The following MUS81 variants were observed in gnomAD, a reference collection of about 807,000 sequenced individuals.
MUS81 encodes the protein structure-specific endonuclease subunit MUS81.
In MUS81, 69 loss-of-function variants were observed where a neutral mutation model predicts 74.2. The ratio of observed to expected loss-of-function variants is 0.93; its 90% CI spans 0.77 to 1.14. The LOEUF (loss-of-function observed/expected upper bound fraction) is 1.14. MUS81 is among the 50% of genes most tolerant of loss of function. MUS81 has a pLI of 0.00. For synonymous variants in MUS81, 303 were observed against 300.6 expected, an observed-to-expected ratio of 1.01 and a Z score of -0.08; for missense variants, 711 against 726.5, an observed-to-expected ratio of 0.98 and a Z score of 0.25.
At chr11:65,861,632 G>A in intron 3 of MUS81, 197 bp downstream of exon 3, 2 of 610,000 alleles carry the variant, frequency 3.3e-6, no homozygotes, top group South Asian at 2.0e-5. Flanking sequence ...AGAATTCCAT[G>A]ATCAAGCTAC....
upstream of MUS81, chr11:65,860,387 C>T (rs936658227): frequency 4.9e-5 from 24 of 488,384 alleles, no homozygotes; most frequent in Admixed American, 5.1e-4. Flanking sequence ...GGGCGCTGTC[C>T]GCCTTCCTCT....
chr11:65,864,451 G>A (rs1456322849), intron 10 of MUS81, 46 bp from the exon 11 acceptor site: 1 of 1,529,178 alleles, frequency 6.5e-7, no homozygotes, highest in Non-Finnish European at 9.1e-7. Context: ...CCAGGCATGT[G>A]GTCATCCAGC....
In MUS81 at chr11:65,861,098, G is replaced by A. The variant is rs1859583303; in HGVS notation, c.261G>A (p.Ser87=). 3.1e-6 allele frequency: 5 copies of A among 1,612,378 alleles called. No individual in the cohort carries two copies. Among genetic ancestry groups the A allele is most frequent in the Non-Finnish European group, 4.2e-6 (5 of 1,179,914 alleles). The change falls in exon 2 of 16, where the codon TCG becomes TCA. Residue 87 remains serine (S), a synonymous_variant. Transcript: ENST00000308110. ...LDERLQRHRT[S]GGDHAPDSPS... ...AGCGGCTGCAGCGGCACCGAACATC[G>A]GGCGGTGAGCGCCTCGGAAAGGGGT... is the stretch of plus-strand genomic sequence containing the variant.
In MUS81 at chr11:65,860,582, T is replaced by C. The variant is rs1733258688; in HGVS notation, c.-172T>C. The C allele has an allele frequency of 1.2e-6, 1 of 833,480 alleles. No homozygotes were observed. Among genetic ancestry groups the C allele is most frequent in the Non-Finnish European group, 1.9e-6 (1 of 532,012 alleles). The allele number at this position is 833,480 out of a possible 1,614,324, so 51.6% of individuals were successfully genotyped here. A position where few individuals can be genotyped will look rare whatever the true frequency, so the allele number is the denominator to read the frequency against. On this transcript the variant is annotated 5_prime_UTR_variant, in exon 1 of 16. Transcript: ENST00000308110. ...CAGGGGTGGGAGGGCGGCCGCAGGC[T>C]CTCCTCTCGTTAGTGCCCCCTGTGT...
rs749927132 is a variant in MUS81, at chr11:65,860,975, G to T, written c.138G>T (p.Ala46=). 1 of 1,611,702 alleles carries T rather than the reference G, an allele frequency of 6.2e-7. No individual in the cohort carries two copies. The change falls in exon 2 of 16, where the codon GCG becomes GCT. Residue 46 remains alanine (A), a splice_region_variant and synonymous_variant. Transcript: ENST00000308110. ...GTACCCTACCCCTGCCCGGCCAGGC[G>T]CTGCGTTCCCTCCGACGGTACCCAC... The part of the protein sequence containing the change: ...RRRTRFVFQK[A]LRSLRRYPLP...
downstream of MUS81, chr11:65,867,016 C>G (rs146879673): frequency 6.2e-6 from 10 of 1,614,172 alleles, no homozygotes; most frequent in Non-Finnish European, 4.2e-6. Context: ...AGGTCCAGCA[C>G]GTACTCCCGG....
Position 65,863,654 on chromosome 11 carries a change from C to T in MUS81, c.894C>T (p.His298=). The T allele has an allele frequency of 6.2e-7, 1 of 1,614,090 alleles. No homozygotes were observed. The highest frequency in any genetic ancestry group is 1.3e-5 in the African/African-American group (1 of 75,028). ...AGCTACAGCGGCTGCACGTGACCCA[C>T]ACGGTGCGCAAGCTGCACGTTGGAG... ...LRELQRLHVT[H]TVRKLHVGDF... Residue 298 remains histidine (H), a synonymous_variant, in exon 9 of 16, where the codon CAC becomes CAT. Transcript: ENST00000308110.
rs1046503211 is a variant in MUS81 at position 65,860,588 on chromosome 11, C to T, written c.-166C>T. 1.1e-6 allele frequency: 1 copy of T among 902,872 alleles called. No homozygotes were observed. The highest frequency in any genetic ancestry group is 1.7e-6 in the Non-Finnish European group (1 of 590,544). 55.9% of individuals were successfully genotyped at this position (902,872 alleles called of 1,614,324 possible). On this transcript the variant is annotated 5_prime_UTR_variant, in exon 1 of 16. Transcript: ENST00000308110. ...TGGGAGGGCGGCCGCAGGCTCTCCT[C>T]TCGTTAGTGCCCCCTGTGTTTGGGG...
At chr11:65,863,927 T>G (rs1170264609) in intron 10 of MUS81, 26 bp downstream of exon 10, 2 of 1,610,292 alleles carry the variant, frequency 1.2e-6, no homozygotes, top group East Asian at 2.2e-5. Flanking sequence ...TTGCCAGGCT[T>G]CCCTGCCTGC....
chr11:65,865,929 A>AGGGACTGGGGCTGCCCT (rs1859815172), intron 15 of MUS81, 35 bp downstream of exon 15: 1 of 1,614,048 alleles, frequency 6.2e-7, no homozygotes, highest in South Asian at 1.1e-5. Context: ...AGGGAGTGGC[A>AGGGACTGGGGCTGCCCT]GGGACTGGGG....
chr11:65,863,638 G>T lies in MUS81; in HGVS notation c.878G>T (p.Arg293Leu). 1 of 1,614,026 alleles carries T rather than the reference G, an allele frequency of 6.2e-7. No individual in the cohort carries two copies. Among genetic ancestry groups the T allele is most frequent in the East Asian group, 2.2e-5 (1 of 44,880 alleles). ...CCGGAGCTGCTCCGAGAGCTACAGC[G>T]GCTGCACGTGACCCACACGGTGCGC... Reference protein sequence around the residue: ...HRPELLRELQRLHVTHTVRKL... With the variant: ...HRPELLRELQLLHVTHTVRKL... The change falls in exon 9 of 16, where the codon CGG becomes CTG. Residue 293 changes from arginine (R) to leucine (L), a missense_variant. Physicochemically the swap from Arg to Leu is moderately radical, Grantham distance 102. Transcript: ENST00000308110.
intron 13 of MUS81, 31 bp downstream of exon 13, chr11:65,865,176 GC>G: frequency 1.2e-6 from 2 of 1,614,180 alleles, no homozygotes; most frequent in Non-Finnish European, 1.7e-6. Context: ...CTCAGACATG[GC>G]CTGGCCCAGA....
Position 65,861,373 on chromosome 11 carries a change from T to G in MUS81, c.289T>G (p.Ser97Ala). 1 of 1,602,120 alleles carries G rather than the reference T, an allele frequency of 6.2e-7. No individual in the cohort carries two copies. Residue 97 changes from serine (S) to alanine (A), a missense_variant, in exon 3 of 16, where the codon TCT becomes GCT. By Grantham distance (99) the Ser-to-Ala change is moderately conservative. Coordinates refer to ENST00000308110, the MANE Select transcript of MUS81 (RefSeq NM_025128.5). ...AGGTGACCATGCCCCGGACTCACCATCTGGAGAGAACAGTCCAGCCCCGCA... is the reference window on the plus strand; with the variant it reads ...AGGTGACCATGCCCCGGACTCACCAGCTGGAGAGAACAGTCCAGCCCCGCA... ...SGGDHAPDSP[S>A]GENSPAPQGR...
In MUS81 at chr11:65,865,391, A is replaced by G. The variant is rs150649250; in HGVS notation, c.1505+68A>G. ...CCATGCATGGAATTCACCTTAATCC[A>G]TGCTTCGTGGAGGGGGCCTGGCCTT... is the stretch of plus-strand genomic sequence containing the variant. On this transcript the variant is annotated intron_variant, in intron 14 of 15. Transcript: ENST00000308110. 135 of 1,463,270 alleles carry G rather than the reference A, an allele frequency of 9.2e-5. No individual in the cohort carries two copies. The African/African-American group carries it at 1.7e-3, about 18-fold the overall frequency. 90.6% of individuals were successfully genotyped at this position (1,463,270 alleles called of 1,614,324 possible).
In MUS81 at chr11:65,861,940, C is replaced by T. The variant is rs191096993; in HGVS notation, c.352-7C>T. 1.6e-4 allele frequency: 257 copies of T among 1,604,202 alleles called. No individual in the cohort carries two copies. In the African/African-American group the frequency reaches 2.3e-3, roughly 15 times the overall value. On this transcript the variant is annotated splice_polypyrimidine_tract_variant and splice_region_variant and intron_variant, in intron 3 of 15. Coordinates refer to ENST00000308110, the MANE Select transcript of MUS81 (RefSeq NM_025128.5). ...TTTCATGTTCAGAACTCCTCTGTAC[C>T]TTTCAGGTTCCTGCCCAGCCCAAAG...
downstream of MUS81, chr11:65,867,240 C>A (rs1360963263): frequency 4.0e-6 from 3 of 749,638 alleles, no homozygotes; most frequent in Non-Finnish European, 6.6e-6. Context: ...CCCTCGATGT[C>A]TCTCCTCCCC....
At chr11:65,861,684 G>A (rs1859611889) in intron 3 of MUS81, 1 of 600,808 alleles carries the variant, frequency 1.7e-6, no homozygotes, top group Non-Finnish European at 3.0e-6. Flanking sequence ...CACCATTATT[G>A]AGTTTTCCTG....
Position 65,860,713 on chromosome 11 carries a change from T to G in MUS81, c.-41T>G, listed in dbSNP as rs950408445. ...GACTCCAGAACTGGCGGCGTCCCAG[T>G]CCCGCGGGCGTGGAGCGCCGGAGGA... On this transcript the variant is annotated 5_prime_UTR_variant, in exon 1 of 16. Coordinates refer to ENST00000308110, the MANE Select transcript of MUS81 (RefSeq NM_025128.5). The G allele has an allele frequency of 5.4e-5, 82 of 1,532,570 alleles. No individual in the cohort carries two copies. Among genetic ancestry groups the G allele is most frequent in the Non-Finnish European group, 6.9e-5 (79 of 1,145,626 alleles). 94.9% of individuals were successfully genotyped at this position (1,532,570 alleles called of 1,614,324 possible). A position where few individuals can be genotyped will look rare whatever the true frequency, so the allele number is the denominator to read the frequency against.
At chr11:65,861,563 T>A in intron 3 of MUS81, 128 bp downstream of exon 3, 1 of 713,044 alleles carries the variant, frequency 1.4e-6, no homozygotes, top group Non-Finnish European at 2.3e-6. Context: ...AAATGACTTA[T>A]CCTCTTTTCG....
Sources: allele counts gnomAD v4.1 joint callset, GRCh38; gene constraint gnomAD v4.1.1; transcripts MANE v1.5; gene names NCBI Gene and HGNC (gene_info 2026-07-23, HGNC 2026-07-21).